The following KIF26B variants were observed in gnomAD, a reference collection of about 807,000 sequenced individuals.
KIF26B encodes kinesin-like protein KIF26B.
KIF26B carries 63 observed loss-of-function variants against 151.2 expected under a neutral mutation model. The ratio of observed to expected loss-of-function variants is 0.42; its 90% CI spans 0.34 to 0.51. The LOEUF is 0.51. KIF26B is among the 20% of genes least tolerant of loss of function. The pLI, the probability that KIF26B is intolerant of heterozygous loss-of-function variation, is 0.07. For synonymous variants in KIF26B, 1,357 were observed against 1,262.1 expected, an observed-to-expected ratio of 1.08 and a Z score of -1.59; for missense variants, 2,813 against 2,913.6, an observed-to-expected ratio of 0.97 and a Z score of 0.79.
At chr1:245,544,125 G>A (rs1376159570) in intron 5 of KIF26B, among the ~76,000 whole-genome samples, 1 of 151,916 alleles carries the variant, frequency 6.6e-6, no homozygotes, top group African/African-American at 2.4e-5. Context: ...CCACCTCCAC[G>A]GATATCTCAC....
intron 5 of KIF26B, among the ~76,000 whole-genome samples, chr1:245,579,538 G>A (rs563605495): frequency 6.6e-6 from 1 of 152,256 alleles, no homozygotes; most frequent in East Asian, 1.9e-4. Flanking sequence ...GCTGGGTGCA[G>A]TGGCTCAACG....
At chr1:245,349,376 T>A (rs1672518578) in intron 2 of KIF26B, among the ~76,000 whole-genome samples, 2 of 152,210 alleles carry the variant, frequency 1.3e-5, no homozygotes, top group Non-Finnish European at 2.9e-5. Context: ...TTTTACAGCA[T>A]GTTTTCCGTT....
intron 3 of KIF26B, among the ~76,000 whole-genome samples, chr1:245,398,071 GA>G (rs753411201): frequency 6.6e-5 from 10 of 152,190 alleles, no homozygotes; most frequent in Non-Finnish European, 1.0e-4. Flanking sequence ...AAAAAGGGCT[GA>G]ATGAATACCC....
chr1:245,516,435 T>G lies in KIF26B; in HGVS notation c.1167-24332T>G, dbSNP rs1174602295. The stretch of plus-strand genomic sequence containing the variant: ...CGTGATTTGCTACTAGGCAGCTCTG[T>G]AGGGCTGTATGTATTGATATCACAT... On this transcript the variant is annotated intron_variant, in intron 4 of 14. Transcript: ENST00000407071. This position sits in a 1 kb window ranked among gnomAD's most constrained non-coding sequence, Gnocchi z 4.2. Among the ~76,000 whole-genome samples, 3 of 152,342 alleles carry G rather than the reference T, an allele frequency of 2.0e-5. No homozygotes were observed. In the East Asian group the frequency reaches 5.8e-4, roughly 29 times the overall value.
chr1:245,704,492 G>GGCTT lies in KIF26B; in HGVS notation c.*1887_*1890dup, dbSNP rs1255007601. 1.7e-4 allele frequency: 26 copies of GGCTT among 152,364 alleles called. No homozygotes were observed. In the South Asian group the frequency reaches 5.0e-3, roughly 29 times the overall value. The allele number at this position is 152,364 out of a possible 1,614,324, so 9.4% of individuals were successfully genotyped here. On this transcript the variant is annotated 3_prime_UTR_variant, in exon 15 of 15. Transcript: ENST00000407071. ...AGCCAGCTCCCTGGGTCACGAGTCTGGCTTTGCACTTTCCATAAGAGTCTG... is the reference window on the plus strand; with the variant it reads ...AGCCAGCTCCCTGGGTCACGAGTCTGGCTTGCTTTGCACTTTCCATAAGAGTCTG...
chr1:245,190,390 CA>C (rs1437966669), intron 2 of KIF26B, among the ~76,000 whole-genome samples: 8 of 152,142 alleles, frequency 5.3e-5, no homozygotes, highest in Non-Finnish European at 1.0e-4. Context: ...TTTCCTGTAA[CA>C]CTGGCTGCAG....
At chr1:245,430,686 T>C (rs574877233) in intron 4 of KIF26B, among the ~76,000 whole-genome samples, 1 of 151,956 alleles carries the variant, frequency 6.6e-6, no homozygotes, top group East Asian at 1.9e-4. Context: ...AAAATAATCA[T>C]AATAGCCTAC....
chr1:245,490,322 T>G (rs1262718926), intron 4 of KIF26B, among the ~76,000 whole-genome samples: 1 of 146,802 alleles, frequency 6.8e-6, no homozygotes, highest in Non-Finnish European at 1.5e-5. Flanking sequence ...TTTTTTTTTT[T>G]TTTTTTTTGA....
intron 10 of KIF26B, among the ~76,000 whole-genome samples, chr1:245,662,633 T>TAC (rs879876300): frequency 0.58 from 58,106 of 99,362 alleles, 17,518 homozygotes; most frequent in East Asian, 0.75. Flanking sequence ...CACCCAGTGA[T>TAC]ATATACACAC....
chr1:245,491,909 GA>G (rs5782351), intron 4 of KIF26B, among the ~76,000 whole-genome samples: 5,110 of 144,264 alleles, frequency 0.035, 134 homozygotes, highest in Non-Finnish European at 0.052. Context: ...AATCTCAAAA[GA>G]AAAAAAAAAA....
In KIF26B at chr1:245,419,740, T is replaced by C. The variant is rs376112505; in HGVS notation, c.1161T>C (p.Phe387=). The C allele has an allele frequency of 1.2e-6, 2 of 1,611,060 alleles. No individual in the cohort carries two copies. Among genetic ancestry groups the C allele is most frequent in the Non-Finnish European group, 1.7e-6 (2 of 1,178,576 alleles). Residue 387 remains phenylalanine (F), a synonymous_variant, in exon 4 of 15, where the codon TTT becomes TTC. Coordinates refer to ENST00000407071, the MANE Select transcript of KIF26B (RefSeq NM_018012.4). The stretch of plus-strand genomic sequence containing the variant: ...GCACATCGGTGGCCGCCTCCTTCTT[T>C]GCACGGTAAGAGAGCTGTTCAGATC... ...STGTSVAASF[F]ARAAQKLNLS... is the part of the protein sequence containing the mutation.
chr1:245,500,324 C>T (rs964835193), intron 4 of KIF26B, among the ~76,000 whole-genome samples: 4 of 152,206 alleles, frequency 2.6e-5, no homozygotes, highest in African/African-American at 9.7e-5. Flanking sequence ...TGGTATTGGT[C>T]ATTTAACCCA....
At chr1:245,596,626 GGA>G (rs1162128884) in intron 5 of KIF26B, among the ~76,000 whole-genome samples, 2 of 152,184 alleles carry the variant, frequency 1.3e-5, no homozygotes, top group African/African-American at 4.8e-5. Context: ...GATTTGGGTT[GGA>G]GAGTTCTGTA....
At chr1:245,472,623 T>C (rs1659939784) in intron 4 of KIF26B, among the ~76,000 whole-genome samples, 1 of 152,218 alleles carries the variant, frequency 6.6e-6, no homozygotes, top group African/African-American at 2.4e-5. Flanking sequence ...AATAGTGATC[T>C]TATGTAGTAT....
intron 2 of KIF26B, among the ~76,000 whole-genome samples, chr1:245,268,283 C>T (rs1029665900): frequency 7.9e-5 from 12 of 151,812 alleles, no homozygotes; most frequent in African/African-American, 2.9e-4. Context: ...TCCTGGCTAA[C>T]ACAGTGAAAC....
chr1:245,643,507 A>C (rs773795367), intron 9 of KIF26B, among the ~76,000 whole-genome samples: 6 of 152,176 alleles, frequency 3.9e-5, no homozygotes, highest in Non-Finnish European at 8.8e-5. Flanking sequence ...CTCCCGTCTG[A>C]CTTTTGTGTT....
At chr1:245,532,114 AAGAC>A (rs557801718) in intron 4 of KIF26B, among the ~76,000 whole-genome samples, 81 of 152,076 alleles carry the variant, frequency 5.3e-4, no homozygotes, top group Non-Finnish European at 6.8e-4. Context: ...AAACAACAAA[AAGAC>A]AACTGCTATA....
intron 2 of KIF26B, among the ~76,000 whole-genome samples, chr1:245,284,460 C>T (rs1671130788): frequency 6.6e-6 from 1 of 152,048 alleles, no homozygotes; most frequent in Non-Finnish European, 1.5e-5. Context: ...ATTCTGACTC[C>T]AGCCCTAAAC....
At chr1:245,496,181 T>G (rs1660511239) in intron 4 of KIF26B, among the ~76,000 whole-genome samples, 2 of 152,156 alleles carry the variant, frequency 1.3e-5, no homozygotes, top group Admixed American at 1.3e-4. Context: ...TGAGATGTAT[T>G]GATGGCTGGA....
Sources: allele counts gnomAD v4.1 joint callset (sites outside exome capture counted in the v4.1 genomes callset), GRCh38; gene constraint gnomAD v4.1.1; non-coding constraint Gnocchi (gnomAD v3.1); transcripts MANE v1.5; gene names NCBI Gene and HGNC (gene_info 2026-07-23, HGNC 2026-07-21).